Variants in LRP1B observed in about 807,000 individuals in gnomAD.
LRP1B encodes LDL receptor related protein 1B.
A neutral mutation model predicts 556.6 loss-of-function variants in LRP1B; 217 were observed. The ratio of observed to expected loss-of-function variants is 0.39; its 90% CI spans 0.35 to 0.44. LRP1B has a LOEUF of 0.44. Among genes scored for constraint, LRP1B ranks in the 20% least tolerant of loss-of-function variants. LRP1B has a pLI of 1.00. For synonymous variants in LRP1B, 2,047 were observed against 1,865.8 expected, an observed-to-expected ratio of 1.10 and a Z score of -2.50; for missense variants, 5,053 against 5,620.8, an observed-to-expected ratio of 0.90 and a Z score of 3.23.
intron 35 of LRP1B, among the ~76,000 whole-genome samples, chr2:140,732,414 T>C (rs288113): frequency 0.98 from 149,711 of 152,220 alleles, 73,665 homozygotes; most frequent in Middle Eastern, 1. Flanking sequence ...ATACCTTACC[T>C]GAACTGCATG....
At chr2:141,857,805 C>T (rs1698109912) in intron 1 of LRP1B, among the ~76,000 whole-genome samples, 1 of 152,134 alleles carries the variant, frequency 6.6e-6, no homozygotes, top group Admixed American at 6.5e-5. Flanking sequence ...ACTGACACAG[C>T]ACTGGTCCCT....
intron 21 of LRP1B, among the ~76,000 whole-genome samples, chr2:140,913,671 A>C (rs1335611284): frequency 6.6e-6 from 1 of 152,060 alleles, no homozygotes; most frequent in Non-Finnish European, 1.5e-5. Context: ...GAAGAGAATC[A>C]GTTCTTTCTT....
At chr2:140,769,376 G>T (rs770255218) in intron 34 of LRP1B, 32 bp from the exon 35 acceptor site, 2 of 1,555,728 alleles carry the variant, frequency 1.3e-6, no homozygotes, top group South Asian at 1.2e-5. Flanking sequence ...AGGGGGGGAA[G>T]GGAAGCCCAG....
intron 7 of LRP1B, among the ~76,000 whole-genome samples, chr2:141,112,037 C>A (rs962364340): frequency 2.2e-5 from 3 of 136,516 alleles, no homozygotes; most frequent in African/African-American, 8.3e-5. Flanking sequence ...CAGAGTGAGA[C>A]CCTGCCTCAA....
chr2:141,232,361 A>C lies in LRP1B; in HGVS notation c.593-2921T>G, dbSNP rs75464177. On this transcript the variant is annotated intron_variant, in intron 5 of 90. Transcript: ENST00000389484. ...TTGACAACTGAAATGACCTTTAGTG[A>C]AACTACTTTCACTCAAAATGACCCA... 3.3e-3 allele frequency among the ~76,000 whole-genome samples: 508 copies of C among 152,316 alleles called. 2 individuals are homozygous for C. The highest frequency in any genetic ancestry group is 0.012 in the African/African-American group (483 of 41,570).
At chr2:140,394,559 G>A (rs1684169955) in intron 66 of LRP1B, among the ~76,000 whole-genome samples, 1 of 152,014 alleles carries the variant, frequency 6.6e-6, no homozygotes, top group South Asian at 2.1e-4. Flanking sequence ...CTTCCATGTT[G>A]AGAAAACTAC....
chr2:141,007,280 T>G (rs72975014), intron 14 of LRP1B, among the ~76,000 whole-genome samples: 9,143 of 151,868 alleles, frequency 0.06, 353 homozygotes, highest in African/African-American at 0.097. Context: ...TCTATACAAA[T>G]AAATATTCAA....
intron 1 of LRP1B, among the ~76,000 whole-genome samples, chr2:141,936,198 C>T (rs961989255): frequency 6.6e-6 from 1 of 151,970 alleles, no homozygotes; most frequent in Non-Finnish European, 1.5e-5. Context: ...CATTTAAATT[C>T]TATTCAGAAT....
At chr2:141,910,213 C>A (rs1272758804) in intron 1 of LRP1B, among the ~76,000 whole-genome samples, 1 of 150,654 alleles carries the variant, frequency 6.6e-6, no homozygotes, top group Admixed American at 6.6e-5. Flanking sequence ...TCTTTGAAAC[C>A]AAATTTTGCT....
intron 2 of LRP1B, among the ~76,000 whole-genome samples, chr2:141,557,450 G>A (rs562791327): frequency 4.1e-4 from 62 of 152,030 alleles, no homozygotes; most frequent in Non-Finnish European, 6.9e-4. Flanking sequence ...GTGAATAACC[G>A]CAGAGAGAAA....
intron 1 of LRP1B, among the ~76,000 whole-genome samples, chr2:141,955,032 G>A (rs1020482472): frequency 6.6e-6 from 1 of 152,036 alleles, no homozygotes; most frequent in Non-Finnish European, 1.5e-5. Flanking sequence ...GAACATAAAA[G>A]CATTGGAAAA....
chr2:140,835,964 CAAACTTCCAAAGGGAAAGTTT>C (rs966192723), intron 31 of LRP1B, among the ~76,000 whole-genome samples: 3 of 152,186 alleles, frequency 2.0e-5, no homozygotes, highest in Non-Finnish European at 4.4e-5. Flanking sequence ...GACTTAGACT[CAAACTTCCAAAGGGAAAGTTT>C]GAACTTCCCT....
chr2:140,302,740 C>T (rs1055441218), intron 83 of LRP1B, among the ~76,000 whole-genome samples: 1 of 151,976 alleles, frequency 6.6e-6, no homozygotes, highest in African/African-American at 2.4e-5. Flanking sequence ...CTGGGACATC[C>T]ATCTTCTCCT....
In LRP1B at chr2:141,205,261, G is replaced by A. The variant is rs111995907; in HGVS notation, c.851-16678C>T. 2.5e-3 allele frequency among the ~76,000 whole-genome samples: 383 copies of A among 152,214 alleles called. 1 individual carries two copies. The highest frequency in any genetic ancestry group is 8.2e-3 in the African/African-American group (339 of 41,556). ...TTAAATTAAGTGCTACATTCAATATGAGTTCAAAAAAGAATTGATAACTTG... is the reference window on the plus strand; with the variant it reads ...TTAAATTAAGTGCTACATTCAATATAAGTTCAAAAAAGAATTGATAACTTG... On this transcript the variant is annotated intron_variant, in intron 6 of 90. Coordinates refer to ENST00000389484, the MANE Select transcript of LRP1B (RefSeq NM_018557.3).
At position 140,444,619 on chromosome 2, in the gene LRP1B, G is replaced by A. The variant is rs2105305044; in HGVS notation, c.10118C>T (p.Ala3373Val). 3 of 1,614,028 alleles carry A rather than the reference G, an allele frequency of 1.9e-6. No homozygotes were observed. Among genetic ancestry groups the A allele is most frequent in the Non-Finnish European group, 2.5e-6 (3 of 1,179,950 alleles). The change falls in exon 64 of 91, where the codon GCT (alanine) becomes GTT (valine). Residue 3373 changes from alanine (A) to valine (V), a missense_variant. By Grantham distance (64) the Ala-to-Val change is moderately conservative. Around this residue, in one of 5 missense-constraint regions of LRP1B, gnomAD observed 262 missense variants for 395.1 expected, o/e 0.66. Transcript: ENST00000389484. ...QCGTGLCALP[A>V]FICDGENDCG... is the part of the protein sequence containing the mutation. ...ATCATTCTCTCCATCACAGATGAAA[G>A]CTGGTAGAGCACAGAGTCCAGTCCC...
In LRP1B at chr2:141,270,189, C is replaced by T. The variant is rs557066238; in HGVS notation, c.344-15548G>A. On this transcript the variant is annotated intron_variant, in intron 3 of 90. Coordinates refer to ENST00000389484, the MANE Select transcript of LRP1B (RefSeq NM_018557.3). ...ATAATCATATGTAAAAATAGTATCA[C>T]CAATCATTAAGGAAATAAAAATAAA... 4.6e-5 allele frequency among the ~76,000 whole-genome samples: 7 copies of T among 152,130 alleles called. No individual in the cohort carries two copies. In the South Asian group the frequency reaches 1.5e-3, roughly 32 times the overall value.
chr2:141,216,316 G>A (rs1383894569), intron 6 of LRP1B, among the ~76,000 whole-genome samples: 2 of 152,266 alleles, frequency 1.3e-5, no homozygotes, highest in Non-Finnish European at 2.9e-5. Context: ...CACTTGCAGA[G>A]AGTATAAGAG....
chr2:140,588,322 G>C (rs72977922), intron 43 of LRP1B, among the ~76,000 whole-genome samples: 4,044 of 152,232 alleles, frequency 0.027, 138 homozygotes, highest in African/African-American at 0.08. Context: ...GGGATGTAAA[G>C]TTTCTATGCT....
At chr2:141,599,053 G>T (rs201776388) in intron 2 of LRP1B, among the ~76,000 whole-genome samples, 13 of 10,012 alleles carry the variant, frequency 1.3e-3, no homozygotes, top group Non-Finnish European at 1.5e-3. Flanking sequence ...ACTCCCCCCC[G>T]CCCCCCCCCC....
Sources: allele counts gnomAD v4.1 joint callset (sites outside exome capture counted in the v4.1 genomes callset), GRCh38; gene constraint gnomAD v4.1.1; regional missense constraint gnomAD v4.1.1; transcripts MANE v1.5; gene names NCBI Gene and HGNC (gene_info 2026-07-23, HGNC 2026-07-21).